Variants in ZDHHC1 observed in about 807,000 individuals in gnomAD.
The protein encoded by ZDHHC1 is palmitoyltransferase ZDHHC1.
Under a neutral mutation model 46.9 loss-of-function variants are expected in ZDHHC1, and 45 were observed. The ratio of observed to expected loss-of-function variants is 0.96; its 90% confidence interval spans 0.76 to 1.23. The LOEUF (loss-of-function observed/expected upper bound fraction) is 1.23. ZDHHC1 is among the 50% of genes most tolerant of loss of function. The pLI is 0.00. For synonymous variants in ZDHHC1, 291 were observed against 286.0 expected, an observed-to-expected ratio of 1.02 and a Z score of -0.18; for missense variants, 649 against 670.8, an observed-to-expected ratio of 0.97 and a Z score of 0.36.
intron 3 of ZDHHC1, chr16:67,404,678 G>A (rs1322817386): frequency 2.2e-6 from 1 of 455,318 alleles, no homozygotes; most frequent in Admixed American, 2.3e-5. Flanking sequence ...TGCCCGCTAT[G>A]TGATCTCAGG....
At chr16:67,403,337 G>A (rs1246742856) in intron 3 of ZDHHC1, among the ~76,000 whole-genome samples, 6 of 152,230 alleles carry the variant, frequency 3.9e-5, no homozygotes, top group African/African-American at 9.6e-5. Context: ...CATGCCTATA[G>A]AAGGAACATT....
rs2040403420 is a variant in ZDHHC1, at chr16:67,395,212, G to A, written c.1079C>T (p.Ala360Val). 6.2e-7 allele frequency: 1 copy of A among 1,610,894 alleles called. No homozygotes were observed. The highest frequency in any genetic ancestry group is 8.5e-7 in the Non-Finnish European group (1 of 1,179,132). Residue 360 changes from alanine to valine, a missense_variant, in exon 10 of 12, where the codon GCC becomes GTC. Transcript: ENST00000565726. ...PPPPSSPDTLALPPRIRPQKK... is the reference protein window; with the variant it reads ...PPPPSSPDTLVLPPRIRPQKK... ...CTGGGGTCGGATCCGGGGAGGCAGG[G>A]CGAGAGTGTCTGGGGAAGAGGGTGG...
chr16:67,394,976 G>T, intron 11 of ZDHHC1, 26 bp downstream of exon 11: 1 of 1,598,272 alleles, frequency 6.3e-7, no homozygotes, highest in East Asian at 2.3e-5. Context: ...TCCCAGAGCA[G>T]GACCCGGACA....
chr16:67,394,355 C>A lies in ZDHHC1; in HGVS notation c.*255G>T. 1 of 182,340 alleles carries A rather than the reference C, an allele frequency of 5.5e-6. No individual in the cohort carries two copies. Among genetic ancestry groups the A allele is most frequent in the Non-Finnish European group, 1.1e-5 (1 of 90,202 alleles). 11.3% of individuals were successfully genotyped at this position (182,340 alleles called of 1,614,324 possible). On this transcript the variant is annotated 3_prime_UTR_variant, in exon 12 of 12. Transcript: ENST00000565726. ...AGGGACCTCCTCCCCGCCCCCGGTC[C>A]ACTGGCCAGGGTCGGGCTTCTGGAT... is the stretch of plus-strand genomic sequence containing the variant.
intron 2 of ZDHHC1, among the ~76,000 whole-genome samples, 163 bp downstream of exon 2, chr16:67,407,604 T>G (rs2040685326): frequency 1.3e-5 from 2 of 152,194 alleles, no homozygotes; most frequent in Non-Finnish European, 2.9e-5. Context: ...GGGGCCCTTA[T>G]GCTAAGTCAT....
intron 1 of ZDHHC1, among the ~76,000 whole-genome samples, chr16:67,415,008 G>C (rs1362654392): frequency 1.3e-5 from 2 of 152,156 alleles, no homozygotes; most frequent in Admixed American, 1.3e-4. Flanking sequence ...GTGGTGGCAG[G>C]CGCCTGTAAT....
rs57605287 is a variant in ZDHHC1, at chr16:67,416,378, TGGCTCCGGCTCCGGCTCC to T, written c.-264_-247del. The T allele has an allele frequency of 1.8e-4, 36 of 202,828 alleles. No individual in the cohort carries two copies. The highest frequency in any genetic ancestry group is 3.4e-4 in the East Asian group (2 of 5,822). 12.6% of individuals were successfully genotyped at this position (202,828 alleles called of 1,614,324 possible). On this transcript the variant is annotated 5_prime_UTR_variant, in exon 1 of 12. Coordinates refer to ENST00000565726, the MANE Select transcript of ZDHHC1 (RefSeq NM_001323627.2). ...CCGGTGAGTCCTCGAGCTCTGGCTC[TGGCTCCGGCTCCGGCTCC>T]GGCTCCGGCTCCGGCTCCGGCTCCA...
chr16:67,400,894 A>T, intron 4 of ZDHHC1, 63 bp downstream of exon 4: 1 of 1,567,288 alleles, frequency 6.4e-7, no homozygotes, highest in Non-Finnish European at 8.7e-7. Flanking sequence ...AAGCCCTGGC[A>T]CCCCCTCTCC....
intron 10 of ZDHHC1, 54 bp from the exon 11 acceptor site, chr16:67,395,116 C>A: frequency 2.5e-6 from 4 of 1,613,174 alleles, no homozygotes; most frequent in Non-Finnish European, 3.4e-6. Context: ...GAAGCAGAGG[C>A]GAGCGCCAGG....
Position 67,401,203 on chromosome 16 carries a change from G to A in ZDHHC1, c.253-71C>T. On this transcript the variant is annotated intron_variant, in intron 3 of 11. Transcript: ENST00000565726. The surrounding 1 kb of genome is among the most constrained non-coding windows in gnomAD (Gnocchi z 4.6). ...TCCTGCCCCGTTCCTTGCAGCCAGA[G>A]AACTCCCCACTGCCATGCCAGCCCG... The A allele has an allele frequency of 6.4e-7, 1 of 1,568,800 alleles. No homozygotes were observed.
At chr16:67,412,006 G>A (rs940637045) in intron 1 of ZDHHC1, among the ~76,000 whole-genome samples, 3 of 152,034 alleles carry the variant, frequency 2.0e-5, no homozygotes, top group Non-Finnish European at 2.9e-5. Context: ...CCAGCTACTC[G>A]GGAGGCTGAG....
At position 67,398,460 on chromosome 16, in the gene ZDHHC1, T is replaced by A. The variant is rs181553579; in HGVS notation, c.814+113A>T. On this transcript the variant is annotated intron_variant, in intron 7 of 11. Transcript: ENST00000565726. ...GCCATCAGGTGAGACCTGGCCACCA[T>A]AGTGAGCCCATACTAGGCAGGGGCA... 4 of 1,508,084 alleles carry A rather than the reference T, an allele frequency of 2.7e-6. No individual in the cohort carries two copies. In the Admixed American group the frequency reaches 7.9e-5, roughly 30 times the overall value. The allele number at this position is 1,508,084 out of a possible 1,614,324, so 93.4% of individuals were successfully genotyped here. A position where few individuals can be genotyped will look rare whatever the true frequency, so the allele number is the denominator to read the frequency against.
chr16:67,401,145 G>T lies in ZDHHC1; in HGVS notation c.253-13C>A. On this transcript the variant is annotated splice_polypyrimidine_tract_variant and intron_variant, in intron 3 of 11. Coordinates refer to ENST00000565726, the MANE Select transcript of ZDHHC1 (RefSeq NM_001323627.2). This position sits in a 1 kb window ranked among gnomAD's most constrained non-coding sequence, Gnocchi z 4.6. ...TGGCGCCCATGCACTGGCCCAGCAG[G>T]TTAAAGACTCACTCCACTCTGCCGG... 6.2e-7 allele frequency: 1 copy of T among 1,612,658 alleles called. No individual in the cohort carries two copies. Among genetic ancestry groups the T allele is most frequent in the Non-Finnish European group, 8.5e-7 (1 of 1,179,658 alleles).
intron 3 of ZDHHC1, chr16:67,404,317 C>A: frequency 5.2e-6 from 1 of 191,272 alleles, no homozygotes; most frequent in Non-Finnish European, 1.1e-5. Flanking sequence ...GCTGCACTTA[C>A]CATGTGGCGT....
Position 67,401,649 on chromosome 16 carries a change from G to C in ZDHHC1, c.253-517C>G, listed in dbSNP as rs936105473. ...CAGATGGAGAACCCCTTGCAGACAC[G>C]GATTCGGACACTTGCTACCTCCCCT... On this transcript the variant is annotated intron_variant, in intron 3 of 11. Coordinates refer to ENST00000565726, the MANE Select transcript of ZDHHC1 (RefSeq NM_001323627.2). The surrounding 1 kb of genome is among the most constrained non-coding windows in gnomAD (Gnocchi z 4.6). 1.3e-5 allele frequency among the ~76,000 whole-genome samples: 2 copies of C among 152,126 alleles called. No homozygotes were observed. Among genetic ancestry groups the C allele is most frequent in the East Asian group, 1.9e-4 (1 of 5,196 alleles).
In ZDHHC1 at chr16:67,416,372, TGGCTCTGGCTCC is replaced by T. The variant is rs1199266962; in HGVS notation, c.-252_-241del. The T allele has an allele frequency of 3.6e-4, 73 of 201,872 alleles. No homozygotes were observed. The highest frequency in any genetic ancestry group is 1.2e-3 in the African/African-American group (46 of 38,336). 12.5% of individuals were successfully genotyped at this position (201,872 alleles called of 1,614,324 possible). A position where few individuals can be genotyped will look rare whatever the true frequency, so the allele number is the denominator to read the frequency against. On this transcript the variant is annotated 5_prime_UTR_variant, in exon 1 of 12. Transcript: ENST00000565726. Reference sequence around the variant, plus strand: ...ACTGGGCCGGTGAGTCCTCGAGCTCTGGCTCTGGCTCCGGCTCCGGCTCCGGCTCCGGCTCCG... The same window carrying T: ...ACTGGGCCGGTGAGTCCTCGAGCTCTGGCTCCGGCTCCGGCTCCGGCTCCG...
chr16:67,400,992 A>G lies in ZDHHC1; in HGVS notation c.393T>C (p.Ile131=). The change falls in exon 4 of 12, where the codon ATT becomes ATC. Residue 131 remains isoleucine (I), a synonymous_variant. Transcript: ENST00000565726. Reference sequence around the variant, plus strand: ...TGCACAAGTTGCAGTGCAGGTCTTCAATGACATGTGCGTGCTGGCTTCGGT... The same window carrying G: ...TGCACAAGTTGCAGTGCAGGTCTTCGATGACATGTGCGTGCTGGCTTCGGT... The part of the protein sequence containing the change: ...IFNRSQHAHV[I]EDLHCNLCNV... The G allele has an allele frequency of 4.3e-6, 7 of 1,614,104 alleles. No homozygotes were observed. The highest frequency in any genetic ancestry group is 5.9e-6 in the Non-Finnish European group (7 of 1,180,024).
At chr16:67,400,036 G>A (rs543332679) in intron 4 of ZDHHC1, among the ~76,000 whole-genome samples, 1 of 152,348 alleles carries the variant, frequency 6.6e-6, no homozygotes, top group East Asian at 1.9e-4. Context: ...TCCCAGCCCA[G>A]GGAGGCACCG....
intron 1 of ZDHHC1, among the ~76,000 whole-genome samples, chr16:67,414,044 C>T (rs1254480635): frequency 4.6e-5 from 7 of 151,992 alleles, no homozygotes; most frequent in Non-Finnish European, 1.0e-4. Context: ...GTGCCATTCT[C>T]CTCCTGAAGC....
Sources: allele counts gnomAD v4.1 joint callset (sites outside exome capture counted in the v4.1 genomes callset), GRCh38; gene constraint gnomAD v4.1.1; non-coding constraint Gnocchi (gnomAD v3.1); transcripts MANE v1.5; gene names NCBI Gene and HGNC (gene_info 2026-07-23, HGNC 2026-07-21).